ISL2: variants seen among roughly 807,000 people sequenced by gnomAD.
ISL2 encodes the protein insulin gene enhancer protein ISL-2.
Under a neutral mutation model 34.6 loss-of-function variants are expected in ISL2, and 17 were observed. The observed-to-expected ratio is 0.49, with a 90% confidence interval of 0.34 to 0.74. The LOEUF (loss-of-function observed/expected upper bound fraction) is 0.74. ISL2 is among the 30% of genes least tolerant of loss of function. The pLI is 0.01. For synonymous variants in ISL2, 232 were observed against 225.5 expected, an observed-to-expected ratio of 1.03 and a Z score of -0.26; for missense variants, 469 against 515.2, an observed-to-expected ratio of 0.91 and a Z score of 0.87.
rs953222962 is a variant in ISL2 at position 76,336,792 on chromosome 15, G to A, written c.-92G>A. On this transcript the variant is annotated 5_prime_UTR_variant, in exon 1 of 6. Coordinates refer to ENST00000290759, the MANE Select transcript of ISL2 (RefSeq NM_145805.3). Reference sequence around the variant, plus strand: ...ATCGCTCCTTCAACTCCGCGGGGCAGTAGGAGTTAGTTAGCAAAGAGCCGA... The same window carrying A: ...ATCGCTCCTTCAACTCCGCGGGGCAATAGGAGTTAGTTAGCAAAGAGCCGA... 1.8e-6 allele frequency: 2 copies of A among 1,106,848 alleles called. No homozygotes were observed. Among genetic ancestry groups the A allele is most frequent in the African/African-American group, 1.5e-5 (1 of 65,092 alleles). The allele number at this position is 1,106,848 out of a possible 1,614,324, so 68.6% of individuals were successfully genotyped here. A position where few individuals can be genotyped will look rare whatever the true frequency, so the allele number is the denominator to read the frequency against.
At chr15:76,341,400 G>A (rs1244241648) in intron 5 of ISL2, 99 bp downstream of exon 5, 6 of 1,211,792 alleles carry the variant, frequency 5.0e-6, no homozygotes, top group Non-Finnish European at 6.9e-6. Flanking sequence ...CTTGGGCTGA[G>A]GGGCTGGGTA....
chr15:76,338,047 G>T, intron 2 of ISL2, 80 bp downstream of exon 2: 1 of 1,315,416 alleles, frequency 7.6e-7, no homozygotes, highest in East Asian at 3.1e-5. Flanking sequence ...CTGCCCGCGC[G>T]CCCCGGCCCT....
intron 5 of ISL2, 30 bp from the exon 6 acceptor site, chr15:76,341,689 T>C: frequency 6.6e-7 from 1 of 1,514,478 alleles, no homozygotes; most frequent in Non-Finnish European, 9.2e-7. Context: ...CCTCTTCACC[T>C]GCCTCTTCCC....
At position 76,340,565 on chromosome 15, in the gene ISL2, C is replaced by T. The variant is rs749714895; in HGVS notation, c.795+6C>T. On this transcript the variant is annotated splice_donor_region_variant and intron_variant, in intron 4 of 5. Coordinates refer to ENST00000290759, the MANE Select transcript of ISL2 (RefSeq NM_145805.3). ...AGCAGCACAGCGACAAGACGGTGAG[C>T]AGCCGCTGGGCCGGAGGCTCGAGTC... is the stretch of plus-strand genomic sequence containing the variant. The T allele has an allele frequency of 3.2e-5, 51 of 1,600,832 alleles. No individual in the cohort carries two copies. The highest frequency in any genetic ancestry group is 4.0e-5 in the African/African-American group (3 of 74,638).
rs750691831 is a variant in ISL2 at position 76,341,164 on chromosome 15, G to C, written c.826G>C (p.Val276Leu). 6.2e-7 allele frequency: 1 copy of C among 1,611,386 alleles called. No individual in the cohort carries two copies. The highest frequency in any genetic ancestry group is 8.5e-7 in the Non-Finnish European group (1 of 1,179,252). ...TCAGGGACTGACTGGGACGCCCCTG[G>C]TGGCGGGCAGTCCCATCCGCCATGA... Reference protein sequence around the residue: ...SLQGLTGTPLVAGSPIRHENA... With the variant: ...SLQGLTGTPLLAGSPIRHENA... The change falls in exon 5 of 6, where the codon GTG (valine) becomes CTG (leucine). Residue 276 changes from valine to leucine, a missense_variant. Transcript: ENST00000290759.
intron 2 of ISL2, 55 bp from the exon 3 acceptor site, chr15:76,338,197 G>A: frequency 6.6e-7 from 1 of 1,509,654 alleles, no homozygotes; most frequent in Non-Finnish European, 8.8e-7. Context: ...AGCAGCCAGG[G>A]AGATGAGGGC....
chr15:76,339,832 C>T (rs1344821799), intron 3 of ISL2: 3 of 1,004,734 alleles, frequency 3.0e-6, no homozygotes, highest in Non-Finnish European at 3.6e-6. Flanking sequence ...CCCACCCAGT[C>T]CCCTGGGCAG....
At chr15:76,340,237 G>A (rs2040183027) in intron 3 of ISL2, 39 bp from the exon 4 acceptor site, 2 of 1,499,958 alleles carry the variant, frequency 1.3e-6, no homozygotes, top group Non-Finnish European at 1.8e-6. Context: ...GGTGGGTGGC[G>A]GCCCCTCGCT....
chr15:76,340,577 C>G lies in ISL2; in HGVS notation c.795+18C>G, dbSNP rs552329032. On this transcript the variant is annotated intron_variant, in intron 4 of 5. Coordinates refer to ENST00000290759, the MANE Select transcript of ISL2 (RefSeq NM_145805.3). ...ACAAGACGGTGAGCAGCCGCTGGGCCGGAGGCTCGAGTCGGGTGGGGGCTG... is the reference window on the plus strand; with the variant it reads ...ACAAGACGGTGAGCAGCCGCTGGGCGGGAGGCTCGAGTCGGGTGGGGGCTG... 3 of 1,592,670 alleles carry G rather than the reference C, an allele frequency of 1.9e-6. No individual in the cohort carries two copies. Among genetic ancestry groups the G allele is most frequent in the Non-Finnish European group, 8.6e-7 (1 of 1,166,794 alleles).
intron 5 of ISL2, 64 bp from the exon 6 acceptor site, chr15:76,341,655 G>A: frequency 8.2e-7 from 1 of 1,223,100 alleles, no homozygotes; most frequent in South Asian, 1.2e-5. Context: ...CGGAGCACGC[G>A]GCCCTGGAGC....
Position 76,342,026 on chromosome 15 carries a change from C to T in ISL2, c.*191C>T. ...GATGCAACCTGCTTTCACCAGACTG[C>T]AGACCCCTGCTCCGAGGACTCTTAG... On this transcript the variant is annotated 3_prime_UTR_variant, in exon 6 of 6. Transcript: ENST00000290759. 1.7e-6 allele frequency: 1 copy of T among 580,666 alleles called. No homozygotes were observed. The highest frequency in any genetic ancestry group is 3.1e-6 in the Non-Finnish European group (1 of 324,100). The allele number at this position is 580,666 out of a possible 1,614,324, so 36.0% of individuals were successfully genotyped here.
chr15:76,339,141 G>C (rs2040173974), intron 3 of ISL2: 1 of 985,210 alleles, frequency 1.0e-6, no homozygotes, highest in African/African-American at 1.7e-5. Context: ...GTGTATAATG[G>C]GCAGGTACGG....
chr15:76,336,784 G>A lies in ISL2; in HGVS notation c.-100G>A. 5 of 1,039,594 alleles carry A rather than the reference G, an allele frequency of 4.8e-6. No individual in the cohort carries two copies. The highest frequency in any genetic ancestry group is 7.6e-6 in the Non-Finnish European group (5 of 661,106). The allele number at this position is 1,039,594 out of a possible 1,614,324, so 64.4% of individuals were successfully genotyped here. A position where few individuals can be genotyped will look rare whatever the true frequency, so the allele number is the denominator to read the frequency against. On this transcript the variant is annotated 5_prime_UTR_variant, in exon 1 of 6. Transcript: ENST00000290759. ...GGTGCGGAATCGCTCCTTCAACTCC[G>A]CGGGGCAGTAGGAGTTAGTTAGCAA...
chr15:76,336,990 T>C (rs1454526490), intron 1 of ISL2, 49 bp downstream of exon 1: 2 of 1,505,914 alleles, frequency 1.3e-6, no homozygotes, highest in East Asian at 4.5e-5. Flanking sequence ...GTATGCTTAA[T>C]ATGCAAAATT....
At chr15:76,339,673 G>C in intron 3 of ISL2, 1 of 985,776 alleles carries the variant, frequency 1.0e-6, no homozygotes, top group Non-Finnish European at 1.2e-6. Flanking sequence ...AGGGGCCGAA[G>C]CCCAAGGGCG....
Position 76,341,222 on chromosome 15 carries a change from A to G in ISL2, c.884A>G (p.Gln295Arg), listed in dbSNP as rs745552487. The G allele has an allele frequency of 6.2e-7, 1 of 1,612,040 alleles. No homozygotes were observed. Among genetic ancestry groups the G allele is most frequent in the Non-Finnish European group, 8.5e-7 (1 of 1,179,564 alleles). ...GTGCAGGGCAGCGCAGTGGAGGTGC[A>G]GACGTACCAGCCGCCGTGGAAGGCG... ...NAVQGSAVEVQTYQPPWKALS... is the reference protein window; with the variant it reads ...NAVQGSAVEVRTYQPPWKALS... Residue 295 changes from glutamine to arginine, a missense_variant, in exon 5 of 6, where the codon CAG (glutamine) becomes CGG (arginine). Coordinates refer to ENST00000290759, the MANE Select transcript of ISL2 (RefSeq NM_145805.3).
intron 2 of ISL2, 125 bp from the exon 3 acceptor site, chr15:76,338,126 CA>C: frequency 2.9e-6 from 4 of 1,370,960 alleles, no homozygotes; most frequent in Non-Finnish European, 3.8e-6. Flanking sequence ...GGAATGCCCG[CA>C]GGCGGGTCAC....
Position 76,341,286 on chromosome 15 carries a change from C to A in ISL2, c.948C>A (p.Pro316=), listed in dbSNP as rs115363632. Residue 316 remains proline (P), a synonymous_variant, in exon 5 of 6, where the codon CCC becomes CCA. Coordinates refer to ENST00000290759, the MANE Select transcript of ISL2 (RefSeq NM_145805.3). ...EFALQSDLDQ[P]AFQQLVSFSE... ...CCCTCCAGAGCGACCTGGACCAACC[C>A]GCCTTCCAACAGCTGGTGAGGCCCT... 6.2e-7 allele frequency: 1 copy of A among 1,602,364 alleles called. No homozygotes were observed. The highest frequency in any genetic ancestry group is 8.5e-7 in the Non-Finnish European group (1 of 1,174,558).
intron 1 of ISL2, 143 bp from the exon 2 acceptor site, chr15:76,337,635 A>G (rs1035780381): frequency 1.4e-6 from 1 of 689,914 alleles, no homozygotes; most frequent in African/African-American, 1.8e-5. Context: ...GGACCTTTAG[A>G]GAGCTCATCA....
Sources: gnomAD v4.1 joint callset for allele counts on GRCh38, gnomAD v4.1.1 for gene constraint, MANE v1.5 for transcripts, NCBI Gene and HGNC (gene_info 2026-07-23, HGNC 2026-07-21) for gene names.